The following TADA3 variants were observed in gnomAD, a reference collection of about 807,000 sequenced individuals.
TADA3 encodes transcriptional adapter 3.
A neutral mutation model predicts 43.2 loss-of-function variants in TADA3; 25 were observed. The ratio of observed to expected loss-of-function variants is 0.58; its 90% CI spans 0.42 to 0.81. The LOEUF (loss-of-function observed/expected upper bound fraction) is 0.81. TADA3 is among the 30% of genes least tolerant of loss of function. TADA3 has a pLI of 0.00. For missense variants in TADA3, 441 were observed against 567.8 expected (o/e 0.78, Z 2.27); for synonymous variants, 235 against 225.5 (o/e 1.04, Z -0.38).
chr3:9,788,386 C>T (rs1300975685), intron 4 of TADA3, among the ~76,000 whole-genome samples: 6 of 151,966 alleles, frequency 3.9e-5, no homozygotes, highest in Non-Finnish European at 8.8e-5. Flanking sequence ...GCTGGGACTA[C>T]AGGCGCCCGC....
chr3:9,791,756 C>T (rs548323740), intron 1 of TADA3, among the ~76,000 whole-genome samples: 2 of 152,216 alleles, frequency 1.3e-5, no homozygotes, highest in South Asian at 2.1e-4. Flanking sequence ...GAAACTGAGA[C>T]TCTGTAAGGG....
At chr3:9,792,692 G>A (rs2078769280), upstream of TADA3, 2 of 1,233,522 alleles carry the variant, frequency 1.6e-6, no homozygotes, top group African/African-American at 1.5e-5. Context: ...CCCGCCGAGC[G>A]CCAGGAGCTG....
At chr3:9,781,592 T>A (rs2078466668) in intron 8 of TADA3, 1 of 456,224 alleles carries the variant, frequency 2.2e-6, no homozygotes, top group African/African-American at 2.0e-5. Context: ...AGCCTGAGGC[T>A]GACAGGAGGT....
At chr3:9,792,772 C>G, upstream of TADA3, 1 of 1,249,322 alleles carries the variant, frequency 8.0e-7, no homozygotes, top group Non-Finnish European at 1.0e-6. Context: ...TCCGCTTCGG[C>G]TTGTCCTAAT....
At chr3:9,780,892 A>G (rs1032993166) in intron 8 of TADA3, among the ~76,000 whole-genome samples, 1 of 152,162 alleles carries the variant, frequency 6.6e-6, no homozygotes, top group African/African-American at 2.4e-5. Context: ...CAGTCCCAGC[A>G]CTTTGGGAGC....
At position 9,789,627 on chromosome 3, in the gene TADA3, G is replaced by A. The variant is rs775855983; in HGVS notation, c.459-13C>T. On this transcript the variant is annotated splice_polypyrimidine_tract_variant and intron_variant, in intron 3 of 8. Transcript: ENST00000301964. ...TGAAGCCCAGAACCTGCAGGGAGAA[G>A]CAGATCCTGAGTGGGCGCCCCTGCC... 1.9e-5 allele frequency: 31 copies of A among 1,613,454 alleles called. No homozygotes were observed. Among genetic ancestry groups the A allele is most frequent in the Non-Finnish European group, 2.3e-5 (27 of 1,179,720 alleles).
At chr3:9,792,727 A>G, upstream of TADA3, 1 of 1,236,136 alleles carries the variant, frequency 8.1e-7, no homozygotes, top group Non-Finnish European at 1.0e-6. Flanking sequence ...GAGAGAAAGG[A>G]TGGGGGTACA....
At position 9,785,539 on chromosome 3, in the gene TADA3, C is replaced by CCCACCTACCGTGGGAAGCCTTCCCATA. The variant is rs2078587878; in HGVS notation, c.811-141_811-115dup. ...AGAAATATCCTTTTATCTTTCCCATCCCACCTACCGTGGGAAGCCTTCCCA... is the reference window on the plus strand; with the variant it reads ...AGAAATATCCTTTTATCTTTCCCATCCCACCTACCGTGGGAAGCCTTCCCATACCACCTACCGTGGGAAGCCTTCCCA... On this transcript the variant is annotated intron_variant, in intron 6 of 8. Coordinates refer to ENST00000301964, the MANE Select transcript of TADA3 (RefSeq NM_006354.5). 6 of 725,460 alleles carry CCCACCTACCGTGGGAAGCCTTCCCATA rather than the reference C, an allele frequency of 8.3e-6. No individual in the cohort carries two copies. In the Admixed American group the frequency reaches 1.5e-4, roughly 19 times the overall value. The allele number at this position is 725,460 out of a possible 1,614,324, so 44.9% of individuals were successfully genotyped here.
At position 9,784,805 on chromosome 3, in the gene TADA3, A is replaced by C. The variant is rs1038779949; in HGVS notation, c.920+511T>G. On this transcript the variant is annotated intron_variant, in intron 7 of 8. Transcript: ENST00000301964. Reference sequence around the variant, plus strand: ...CTTGAACCTGGGAGGCGGAGGTTGCAGTGAGCCAAGATTGCGCCATTGCGC... The same window carrying C: ...CTTGAACCTGGGAGGCGGAGGTTGCCGTGAGCCAAGATTGCGCCATTGCGC... 6.6e-5 allele frequency among the ~76,000 whole-genome samples: 10 copies of C among 151,994 alleles called. No homozygotes were observed. The East Asian group carries it at 1.9e-3, about 29-fold the overall frequency.
In TADA3 at chr3:9,791,353, G is replaced by A. The variant is rs373494881; in HGVS notation, c.114C>T (p.Ile38=). Reference sequence around the variant, plus strand: ...GCAGGGTGTCCAGCTCCTCGATGCCGATGCCATCATCCTCAGAGCGTGCCA... The same window carrying A: ...GCAGGGTGTCCAGCTCCTCGATGCCAATGCCATCATCCTCAGAGCGTGCCA... ...AVLARSEDDG[I]GIEELDTLQL... The change falls in exon 2 of 9, where the codon ATC becomes ATT. Residue 38 remains isoleucine, a synonymous_variant. Transcript: ENST00000301964. 3.7e-5 allele frequency: 59 copies of A among 1,614,210 alleles called. No individual in the cohort carries two copies. Among genetic ancestry groups the A allele is most frequent in the East Asian group, 2.2e-4 (10 of 44,888 alleles).
chr3:9,780,217 A>T lies in TADA3; in HGVS notation c.*140T>A. 1.2e-6 allele frequency: 1 copy of T among 863,790 alleles called. No individual in the cohort carries two copies. Among genetic ancestry groups the T allele is most frequent in the South Asian group, 1.8e-5 (1 of 54,472 alleles). 53.5% of individuals were successfully genotyped at this position (863,790 alleles called of 1,614,324 possible). On this transcript the variant is annotated 3_prime_UTR_variant, in exon 9 of 9. Transcript: ENST00000301964. The stretch of plus-strand genomic sequence containing the variant: ...GTACAGAGCTAGGCCAAAAGACCTC[A>T]GGGGAAGGGCCACGGCCCTCTAGAG...
intron 4 of TADA3, chr3:9,787,786 A>G (rs1005756666): frequency 9.0e-7 from 1 of 1,115,112 alleles, no homozygotes; most frequent in African/African-American, 1.6e-5. Flanking sequence ...GTGTTGTGGC[A>G]GCACAAAGGA....
intron 6 of TADA3, among the ~76,000 whole-genome samples, chr3:9,786,121 A>G (rs1168456036): frequency 6.6e-6 from 1 of 151,924 alleles, no homozygotes; most frequent in Non-Finnish European, 1.5e-5. Context: ...TTGTATTTTT[A>G]GTAGAGACGG....
At chr3:9,787,175 T>A (rs2125623861) in intron 5 of TADA3, 24 bp downstream of exon 5, 2 of 1,614,096 alleles carry the variant, frequency 1.2e-6, no homozygotes, top group East Asian at 4.5e-5. Flanking sequence ...TGACCTGGGG[T>A]TGGCAGGGAG....
chr3:9,787,856 G>C (rs2078652801), intron 4 of TADA3: 2 of 521,692 alleles, frequency 3.8e-6, no homozygotes, highest in Admixed American at 2.7e-5. Flanking sequence ...GGTAACATGA[G>C]ATCAGGGCCT....
intron 4 of TADA3, 120 bp from the exon 5 acceptor site, chr3:9,787,460 T>C (rs2078642407): frequency 2.2e-6 from 3 of 1,384,000 alleles, no homozygotes; most frequent in Non-Finnish European, 2.9e-6. Context: ...CCAAGCCCAG[T>C]GTCAGGTGTA....
intron 4 of TADA3, chr3:9,787,561 C>A: frequency 1.0e-6 from 1 of 983,170 alleles, no homozygotes; most frequent in Admixed American, 2.8e-5. Flanking sequence ...ACACAGAAGC[C>A]AATCTGAAAT....
At chr3:9,786,306 GCCACC>G (rs1200206027) in intron 6 of TADA3, among the ~76,000 whole-genome samples, 2 of 152,108 alleles carry the variant, frequency 1.3e-5, no homozygotes, top group African/African-American at 4.8e-5. Context: ...AGACTGCAAG[GCCACC>G]GTCAGCTGGG....
At chr3:9,792,906 A>G, upstream of TADA3, 1 of 1,398,050 alleles carries the variant, frequency 7.2e-7, no homozygotes, top group Non-Finnish European at 9.3e-7. Context: ...TTAAATAGTG[A>G]CTCGAGTGCA....
Sources: allele counts gnomAD v4.1 joint callset (sites outside exome capture counted in the v4.1 genomes callset), GRCh38; gene constraint gnomAD v4.1.1; transcripts MANE v1.5; gene names NCBI Gene and HGNC (gene_info 2026-07-23, HGNC 2026-07-21).